CEP250: variants seen among roughly 807,000 people sequenced by gnomAD.
CEP250 encodes the protein centrosome-associated protein CEP250.
CEP250 carries 242 observed loss-of-function variants against 315.7 expected under a neutral mutation model. The ratio of observed to expected loss-of-function variants is 0.77; its 90% CI spans 0.69 to 0.85. CEP250 has a LOEUF of 0.85. Among genes scored for constraint, CEP250 ranks in the 40% least tolerant of loss-of-function variants. The pLI is 0.00. For missense variants in CEP250, 2,515 were observed against 2,886.4 expected (o/e 0.87, Z 2.95); for synonymous variants, 1,088 against 1,175.0 (o/e 0.93, Z 1.51).
chr20:35,461,259 C>T (rs2062748656), intron 3 of CEP250, among the ~76,000 whole-genome samples: 1 of 152,182 alleles, frequency 6.6e-6, no homozygotes, highest in Non-Finnish European at 1.5e-5. Flanking sequence ...TCCTCTGGCC[C>T]AGGTTATGGG....
chr20:35,501,473 C>T (rs866189803), intron 28 of CEP250, among the ~76,000 whole-genome samples: 5 of 152,120 alleles, frequency 3.3e-5, no homozygotes, highest in East Asian at 1.9e-4. Context: ...CAGAGCCACC[C>T]GGGTCTCTAG....
intron 1 of CEP250, among the ~76,000 whole-genome samples, chr20:35,457,528 ATT>A (rs1253621669): frequency 6.8e-6 from 1 of 146,456 alleles, no homozygotes; most frequent in Non-Finnish European, 1.5e-5. Context: ...ACAGCCAGCA[ATT>A]TTTTTTTTTT....
chr20:35,458,966 C>CTTTTTTTTTTT lies in CEP250; in HGVS notation c.-227+610_-227+620dup, dbSNP rs778598883. Among the ~76,000 whole-genome samples, 9 of 59,228 alleles carry CTTTTTTTTTTT rather than the reference C, an allele frequency of 1.5e-4. 2 individuals carry two copies. The highest frequency in any genetic ancestry group is 6.0e-4 in the African/African-American group (8 of 13,286). The allele number at this position is 59,228 out of a possible 152,430, so 38.9% of individuals were successfully genotyped here. On this transcript the variant is annotated intron_variant, in intron 2 of 34. Coordinates refer to ENST00000397527, the MANE Select transcript of CEP250 (RefSeq NM_007186.6). ...ATGGTATATTTGCTATAATGCAAATCTTTTTTTTTTTTTTTTTTTTTTTTT... is the reference window on the plus strand; with the variant it reads ...ATGGTATATTTGCTATAATGCAAATCTTTTTTTTTTTTTTTTTTTTTTTTTTTTTTTTTTTT...
rs2146802477 is a variant in CEP250 at position 35,474,056 on chromosome 20, A to G, written c.1571+4A>G. 6.5e-7 allele frequency: 1 copy of G among 1,535,708 alleles called. No individual in the cohort carries two copies. The highest frequency in any genetic ancestry group is 8.7e-7 in the Non-Finnish European group (1 of 1,145,390). On this transcript the variant is annotated splice_donor_region_variant and intron_variant, in intron 14 of 34. Coordinates refer to ENST00000397527, the MANE Select transcript of CEP250 (RefSeq NM_007186.6). Reference sequence around the variant, plus strand: ...CTGTCCGGGAGAGGGAGCGTCTGTAAGTGAGACTAGTCTCCTCCTCGCTGG... The same window carrying G: ...CTGTCCGGGAGAGGGAGCGTCTGTAGGTGAGACTAGTCTCCTCCTCGCTGG...
chr20:35,493,810 G>C (rs2063762908), intron 23 of CEP250, among the ~76,000 whole-genome samples: 1 of 152,094 alleles, frequency 6.6e-6, no homozygotes, highest in African/African-American at 2.4e-5. Context: ...TGTTTTCCCT[G>C]GCTGTCTCAG....
At position 35,479,879 on chromosome 20, in the gene CEP250, C is replaced by T; in HGVS notation, c.2417-97C>T. On this transcript the variant is annotated intron_variant, in intron 19 of 34. Coordinates refer to ENST00000397527, the MANE Select transcript of CEP250 (RefSeq NM_007186.6). ...GTCCTTCTCCAGCAGGGTGCAGGGC[C>T]TCTGAGATGGGAGTTGCTCATGAGG... 2.5e-6 allele frequency: 4 copies of T among 1,595,022 alleles called. No homozygotes were observed. The South Asian group carries it at 4.5e-5, about 18-fold the overall frequency.
chr20:35,519,119 G>A lies in CEP250; in HGVS notation c.*7493G>A, dbSNP rs906905563. The stretch of plus-strand genomic sequence containing the variant: ...AATGGAGTGTTATGGCTGTTCAGAT[G>A]ACAGAGGGAGAAAATGTACTTTGTA... On this transcript the variant is annotated 3_prime_UTR_variant, in exon 35 of 35. Coordinates refer to ENST00000397527, the MANE Select transcript of CEP250 (RefSeq NM_007186.6). 3.3e-5 allele frequency: 5 copies of A among 152,006 alleles called. No homozygotes were observed. Among genetic ancestry groups the A allele is most frequent in the Non-Finnish European group, 1.5e-5 (1 of 68,000 alleles). 9.4% of individuals were successfully genotyped at this position (152,006 alleles called of 1,614,324 possible).
In CEP250 at chr20:35,493,373, C is replaced by A. The variant is rs536759906; in HGVS notation, c.2890-56C>A. On this transcript the variant is annotated intron_variant, in intron 22 of 34. Coordinates refer to ENST00000397527, the MANE Select transcript of CEP250 (RefSeq NM_007186.6). ...AGCTTTTGCCACCCCACCAAAAAAA[C>A]CAGTATTTCTATGACACAGATTTCC... 1.1e-4 allele frequency: 156 copies of A among 1,427,400 alleles called. 1 individual carries two copies. In the Admixed American group the frequency reaches 2.7e-3, roughly 25 times the overall value. The allele number at this position is 1,427,400 out of a possible 1,614,324, so 88.4% of individuals were successfully genotyped here. A position where few individuals can be genotyped will look rare whatever the true frequency, so the allele number is the denominator to read the frequency against.
intron 25 of CEP250, 105 bp downstream of exon 25, chr20:35,496,820 T>C (rs2063850282): frequency 2.3e-6 from 3 of 1,282,732 alleles, no homozygotes; most frequent in African/African-American, 3.0e-5. Context: ...CCCATCTATT[T>C]TTCCTGATTA....
intron 1 of CEP250, 45 bp downstream of exon 1, chr20:35,455,796 A>G (rs534069745): frequency 1.3e-5 from 2 of 152,236 alleles, no homozygotes; most frequent in Non-Finnish European, 2.9e-5. Context: ...TTTCATCTCT[A>G]GATCCCAGGG....
In CEP250 at chr20:35,477,920, A is replaced by G; in HGVS notation, c.1913A>G (p.Gln638Arg). ...SVCSRMEAAE[Q>R]ARNALQVDLA... ...TGCAGCAGAATGGAGGCCGCAGAGCAGGCGAGAAATGCTTTGCAGGTCGAC... is the reference window on the plus strand; with the variant it reads ...TGCAGCAGAATGGAGGCCGCAGAGCGGGCGAGAAATGCTTTGCAGGTCGAC... Residue 638 changes from glutamine to arginine, a missense_variant, in exon 17 of 35, where the codon CAG (glutamine) becomes CGG (arginine). Transcript: ENST00000397527. The G allele has an allele frequency of 3.7e-6, 6 of 1,605,020 alleles. No homozygotes were observed. Among genetic ancestry groups the G allele is most frequent in the Non-Finnish European group, 5.1e-6 (6 of 1,176,098 alleles).
chr20:35,463,919 T>C (rs1271653918), intron 5 of CEP250, among the ~76,000 whole-genome samples: 1 of 152,180 alleles, frequency 6.6e-6, no homozygotes, highest in Non-Finnish European at 1.5e-5. Context: ...GTGTTTCTTT[T>C]AGAAAGATGC....
At chr20:35,509,577 G>A (rs1326380433) in intron 33 of CEP250, among the ~76,000 whole-genome samples, 2 of 152,212 alleles carry the variant, frequency 1.3e-5, no homozygotes, top group East Asian at 3.9e-4. Flanking sequence ...CAGCCTGACA[G>A]GGAGGCGCTG....
chr20:35,491,129 G>A (rs2063677343), intron 21 of CEP250, 83 bp from the exon 22 acceptor site: 3 of 1,519,648 alleles, frequency 2.0e-6, no homozygotes, highest in Non-Finnish European at 2.7e-6. Context: ...AGAGCCCTAG[G>A]GCAGCTGGGA....
chr20:35,480,097 G>A lies in CEP250; in HGVS notation c.2538G>A (p.Gln846=). ...AAGAAGGGAAGACTGCCTTGGAGCA[G>A]CAGAAGGCAGCCCATGAGAAAGAGG... ...AEQEGKTALE[Q]QKAAHEKEVN... Residue 846 remains glutamine (Q), a synonymous_variant, in exon 20 of 35, where the codon CAG becomes CAA. Transcript: ENST00000397527. The A allele has an allele frequency of 1.2e-6, 2 of 1,612,676 alleles. No individual in the cohort carries two copies. Among genetic ancestry groups the A allele is most frequent in the East Asian group, 2.2e-5 (1 of 44,884 alleles).
chr20:35,496,537 C>T (rs770306854), intron 24 of CEP250, 40 bp from the exon 25 acceptor site: 2 of 1,582,216 alleles, frequency 1.3e-6, no homozygotes, highest in South Asian at 1.2e-5. Flanking sequence ...TTTTCATTCC[C>T]TAAGAGAATG....
chr20:35,511,683 G>A lies in CEP250; in HGVS notation c.*57G>A, dbSNP rs182066632. On this transcript the variant is annotated 3_prime_UTR_variant, in exon 35 of 35. Coordinates refer to ENST00000397527, the MANE Select transcript of CEP250 (RefSeq NM_007186.6). ...CTGTGTCATGGGTCATGGCCCCTCC[G>A]CACACCTACAGGTTTGCCAAAGGAA... is the stretch of plus-strand genomic sequence containing the variant. 17 of 1,546,644 alleles carry A rather than the reference G, an allele frequency of 1.1e-5. No homozygotes were observed. In the Admixed American group the frequency reaches 1.1e-4, roughly 10 times the overall value.
rs1424721010 is a variant in CEP250 at position 35,480,036 on chromosome 20, G to A, written c.2477G>A (p.Arg826Gln). Residue 826 changes from arginine (R) to glutamine (Q), a missense_variant, in exon 20 of 35, where the codon CGG becomes CAG. Arg to Gln is a conservative substitution (Grantham distance 43, BLOSUM62 1). Transcript: ENST00000397527. The stretch of plus-strand genomic sequence containing the variant: ...GAACGGAGTCAGGCAGAGCAGGAGC[G>A]GGATGCTGCAGCCAGACAGCTGGCC... ...DTERSQAEQE[R>Q]DAAARQLAQA... The A allele has an allele frequency of 8.7e-6, 14 of 1,613,420 alleles. No individual in the cohort carries two copies. The highest frequency in any genetic ancestry group is 4.5e-5 in the East Asian group (2 of 44,896).
At position 35,476,497 on chromosome 20, in the gene CEP250, A is replaced by G; in HGVS notation, c.1765A>G (p.Thr589Ala). ...GTCGAGTTCTGAAAACACCCTGAAG[A>G]CAGAAGTAGCTGATCTTCGGGCTGC... is the stretch of plus-strand genomic sequence containing the variant. Reference protein sequence around the residue: ...ELSSSENTLKTEVADLRAAAV... With the variant: ...ELSSSENTLKAEVADLRAAAV... Residue 589 changes from threonine to alanine, a missense_variant, in exon 16 of 35, where the codon ACA becomes GCA. Coordinates refer to ENST00000397527, the MANE Select transcript of CEP250 (RefSeq NM_007186.6). 6.2e-7 allele frequency: 1 copy of G among 1,614,096 alleles called. No individual in the cohort carries two copies. Among genetic ancestry groups the G allele is most frequent in the Non-Finnish European group, 8.5e-7 (1 of 1,179,948 alleles).
Sources: allele counts gnomAD v4.1 joint callset (sites outside exome capture counted in the v4.1 genomes callset), GRCh38; gene constraint gnomAD v4.1.1; transcripts MANE v1.5; gene names NCBI Gene and HGNC (gene_info 2026-07-23, HGNC 2026-07-21).